ZNF230: variants seen among roughly 807,000 people sequenced by gnomAD.
ZNF230 encodes the protein zinc finger protein FDZF2.
A neutral mutation model predicts 10.0 loss-of-function variants in ZNF230; 12 were observed. The ratio of observed to expected loss-of-function variants is 1.20; its 90% confidence interval spans 0.77 to 1.95. The LOEUF is 1.95. Ranked by LOEUF, ZNF230 falls within the 30% of genes most tolerant of loss-of-function variation. ZNF230 has a pLI of 0.00. For synonymous variants in ZNF230, 174 were observed against 193.6 expected, an observed-to-expected ratio of 0.90 and a Z score of 0.84; for missense variants, 532 against 565.8, an observed-to-expected ratio of 0.94 and a Z score of 0.61.
At position 44,009,149 on chromosome 19, in the gene ZNF230, A is replaced by C; in HGVS notation, c.208A>C (p.Thr70Pro). The C allele has an allele frequency of 6.2e-7, 1 of 1,614,174 alleles. No individual in the cohort carries two copies. The highest frequency in any genetic ancestry group is 8.5e-7 in the Non-Finnish European group (1 of 1,180,028). Residue 70 changes from threonine to proline, a missense_variant, in exon 4 of 5, where the codon ACC becomes CCC. By Grantham distance (38) the Thr-to-Pro change is conservative (BLOSUM62 -1). Coordinates refer to ENST00000429154, the MANE Select transcript of ZNF230 (RefSeq NM_006300.4). ...AAAGTTTTGGATGATGGAGACAGCA[A>C]CCCAAAGAGAAGGAAATTCAGGTAA... Reference protein sequence around the residue: ...EEKFWMMETATQREGNSGGKT... With the variant: ...EEKFWMMETAPQREGNSGGKT...
In ZNF230 at chr19:44,010,835, C is replaced by T. The variant is rs1976173154; in HGVS notation, c.796C>T (p.Gln266Ter). Residue 266 changes from glutamine (Q) to a stop codon, truncating the protein, a stop_gained, in exon 5 of 5, where the codon CAG (glutamine) becomes TAG (stop). Transcript: ENST00000429154. LOFTEE classifies it low-confidence loss of function (END_TRUNC). ...TGGGAGGGCCTTCATTCACGATTTC[C>T]AGCTTCAGAAACATCAGATAATTCA... Reference protein sequence around the residue: ...KCGRAFIHDFQLQKHQIIHTG... With the variant: ...KCGRAFIHDF The T allele has an allele frequency of 6.2e-7, 1 of 1,614,028 alleles. No individual in the cohort carries two copies. The highest frequency in any genetic ancestry group is 1.3e-5 in the African/African-American group (1 of 74,914).
At chr19:44,006,712 C>T (rs1976127468) in intron 1 of ZNF230, 1 of 175,354 alleles carries the variant, frequency 5.7e-6, no homozygotes, top group Non-Finnish European at 1.2e-5. Flanking sequence ...TAAATGGAAT[C>T]ATCTAATCCA....
Position 44,009,101 on chromosome 19 carries a change from C to A in ZNF230, c.160C>A (p.Pro54Thr). 6.2e-7 allele frequency: 1 copy of A among 1,614,110 alleles called. No homozygotes were observed. Among genetic ancestry groups the A allele is most frequent in the Non-Finnish European group, 8.5e-7 (1 of 1,179,998 alleles). ...LLSVGHQPFH[P>T]FHFLREEKFW... ...GTTCACAGGGCATCAACCATTCCACCCTTTCCACTTCCTAAGGGAAGAAAA... is the reference window on the plus strand; with the variant it reads ...GTTCACAGGGCATCAACCATTCCACACTTTCCACTTCCTAAGGGAAGAAAA... Residue 54 changes from proline to threonine, a missense_variant, in exon 4 of 5, where the codon CCT becomes ACT. Pro to Thr is a conservative substitution (Grantham distance 38, BLOSUM62 -1). Coordinates refer to ENST00000429154, the MANE Select transcript of ZNF230 (RefSeq NM_006300.4).
Position 44,011,119 on chromosome 19 carries a change from A to G in ZNF230, c.1080A>G (p.Gly360=), listed in dbSNP as rs1370811494. 1 of 1,614,072 alleles carries G rather than the reference A, an allele frequency of 6.2e-7. No individual in the cohort carries two copies. Among genetic ancestry groups the G allele is most frequent in the Non-Finnish European group, 8.5e-7 (1 of 1,180,020 alleles). The part of the protein sequence containing the change: ...YLLIHQRIHS[G]EKPYRCEECG... ...TGATCCATCAGCGAATCCACAGTGG[A>G]GAAAAACCATACAGATGTGAGGAGT... is the stretch of plus-strand genomic sequence containing the variant. Residue 360 remains glycine, a synonymous_variant, in exon 5 of 5, where the codon GGA becomes GGG. Coordinates refer to ENST00000429154, the MANE Select transcript of ZNF230 (RefSeq NM_006300.4).
At chr19:44,008,721 G>C in intron 2 of ZNF230, 69 bp from the exon 3 acceptor site, 1 of 1,567,610 alleles carries the variant, frequency 6.4e-7, no homozygotes, top group Non-Finnish European at 8.7e-7. Context: ...CTCTCCGCCT[G>C]CTCAATGCTG....
At chr19:44,009,258 T>C in intron 4 of ZNF230, 88 bp downstream of exon 4, 1 of 1,416,546 alleles carries the variant, frequency 7.1e-7, no homozygotes, top group South Asian at 1.2e-5. Context: ...ATCACCCTGA[T>C]CTAAATTGCC....
At position 44,010,937 on chromosome 19, in the gene ZNF230, A is replaced by G. The variant is rs1335982412; in HGVS notation, c.898A>G (p.Met300Val). The G allele has an allele frequency of 1.9e-6, 3 of 1,614,110 alleles. No homozygotes were observed. Among genetic ancestry groups the G allele is most frequent in the East Asian group, 2.2e-5 (1 of 44,896 alleles). The change falls in exon 5 of 5, where the codon ATG becomes GTG. Residue 300 changes from methionine (M) to valine (V), a missense_variant. Coordinates refer to ENST00000429154, the MANE Select transcript of ZNF230 (RefSeq NM_006300.4). ...CLRSSLNRHC[M>V]VHTAEKLYKS... ...TAGGTCAAGTCTTAATAGGCATTGCATGGTCCACACAGCAGAGAAACTGTA... is the reference window on the plus strand; with the variant it reads ...TAGGTCAAGTCTTAATAGGCATTGCGTGGTCCACACAGCAGAGAAACTGTA...
intron 4 of ZNF230, among the ~76,000 whole-genome samples, chr19:44,009,746 T>C (rs1342595219): frequency 1.3e-5 from 2 of 152,088 alleles, no homozygotes; most frequent in Non-Finnish European, 2.9e-5. Flanking sequence ...TGATCCAGAG[T>C]TGGCACCCTA....
chr19:44,012,070 TTCCTTTGC>T lies in ZNF230; in HGVS notation c.*608_*615del. The T allele has an allele frequency of 1.3e-5, 3 of 226,574 alleles. No homozygotes were observed. The highest frequency in any genetic ancestry group is 5.8e-5 in the South Asian group (1 of 17,264). The allele number at this position is 226,574 out of a possible 1,614,324, so 14.0% of individuals were successfully genotyped here. A position where few individuals can be genotyped will look rare whatever the true frequency, so the allele number is the denominator to read the frequency against. On this transcript the variant is annotated 3_prime_UTR_variant, in exon 5 of 5. Transcript: ENST00000429154. ...GTAGATATCTGATCCACATACTGAT[TTCCTTTGC>T]TTTGGATATACTCAATAGTGGGATT...
chr19:44,012,859 G>T lies in ZNF230; in HGVS notation c.*1395G>T, dbSNP rs1976201601. ...TTATTTTGGGTAATCTTACCCTGTT[G>T]CACTTGGCTGCTGGCTTCCCCTCAT... On this transcript the variant is annotated 3_prime_UTR_variant, in exon 5 of 5. Transcript: ENST00000429154. 6.1e-6 allele frequency: 1 copy of T among 163,878 alleles called. No homozygotes were observed. Among genetic ancestry groups the T allele is most frequent in the Admixed American group, 6.4e-5 (1 of 15,680 alleles). The allele number at this position is 163,878 out of a possible 1,614,324, so 10.2% of individuals were successfully genotyped here. A position where few individuals can be genotyped will look rare whatever the true frequency, so the allele number is the denominator to read the frequency against.
At position 44,011,647 on chromosome 19, in the gene ZNF230, C is replaced by G. The variant is rs1976185693; in HGVS notation, c.*183C>G. 3.1e-6 allele frequency: 2 copies of G among 648,424 alleles called. No homozygotes were observed. The highest frequency in any genetic ancestry group is 1.8e-5 in the African/African-American group (1 of 54,744). 40.2% of individuals were successfully genotyped at this position (648,424 alleles called of 1,614,324 possible). ...ATAAATTATTGTTGATTATAGTCACCTTTGGTGCTTTAGAACACTAGAATG... is the reference window on the plus strand; with the variant it reads ...ATAAATTATTGTTGATTATAGTCACGTTTGGTGCTTTAGAACACTAGAATG... On this transcript the variant is annotated 3_prime_UTR_variant, in exon 5 of 5. Transcript: ENST00000429154.
In ZNF230 at chr19:44,010,264, T is replaced by C. The variant is rs1387744942; in HGVS notation, c.230-5T>C. 1.9e-6 allele frequency: 3 copies of C among 1,595,818 alleles called. No homozygotes were observed. In the South Asian group the frequency reaches 3.4e-5, roughly 18 times the overall value. On this transcript the variant is annotated splice_polypyrimidine_tract_variant and splice_region_variant and intron_variant, in intron 4 of 4. Transcript: ENST00000429154. ...TCCACATCTCTTCATTCTGTGTCCT[T>C]ATAGGCGGCAAGACTATTGCGGAAG...
intron 1 of ZNF230, among the ~76,000 whole-genome samples, chr19:44,005,989 C>T (rs1976119195): frequency 6.6e-6 from 1 of 152,166 alleles, no homozygotes; most frequent in Non-Finnish European, 1.5e-5. Flanking sequence ...TTAGTTGTCA[C>T]ATTCCACAGT....
In ZNF230 at chr19:44,011,710, C is replaced by T. The variant is rs982601212; in HGVS notation, c.*246C>T. On this transcript the variant is annotated 3_prime_UTR_variant, in exon 5 of 5. Transcript: ENST00000429154. The stretch of plus-strand genomic sequence containing the variant: ...CTAGCAGTACTTATGTATCTTGTTA[C>T]CCAATCTTTGGCTATCTCACCTAAC... The T allele has an allele frequency of 7.6e-6, 3 of 393,832 alleles. No individual in the cohort carries two copies. Among genetic ancestry groups the T allele is most frequent in the Non-Finnish European group, 1.4e-5 (3 of 219,590 alleles). 24.4% of individuals were successfully genotyped at this position (393,832 alleles called of 1,614,324 possible).
At position 44,012,239 on chromosome 19, in the gene ZNF230, A is replaced by T. The variant is rs1976193533; in HGVS notation, c.*775A>T. On this transcript the variant is annotated 3_prime_UTR_variant, in exon 5 of 5. Coordinates refer to ENST00000429154, the MANE Select transcript of ZNF230 (RefSeq NM_006300.4). ...GCACCAGAGTGTCCACGTTGGACAG[A>T]ATCCTTAGTAATGAGGTGTGTGATA... The T allele has an allele frequency of 2.7e-6, 1 of 368,930 alleles. No individual in the cohort carries two copies. The highest frequency in any genetic ancestry group is 2.1e-5 in the African/African-American group (1 of 46,946). 22.9% of individuals were successfully genotyped at this position (368,930 alleles called of 1,614,324 possible).
Position 44,010,740 on chromosome 19 carries a change from G to C in ZNF230, c.701G>C (p.Arg234Thr), listed in dbSNP as rs1248819726. The C allele has an allele frequency of 6.2e-7, 1 of 1,614,100 alleles. No individual in the cohort carries two copies. Among genetic ancestry groups the C allele is most frequent in the Non-Finnish European group, 8.5e-7 (1 of 1,180,038 alleles). ...TGTGAGCAATGTGGGAAAGGCTTCA[G>C]ATGTAGAGCGATACTTCAAGTTCAC... ...FKCEQCGKGF[R>T]CRAILQVHCK... The change falls in exon 5 of 5, where the codon AGA (arginine) becomes ACA (threonine). Residue 234 changes from arginine to threonine, a missense_variant. Physicochemically the swap from Arg to Thr is moderately conservative, Grantham distance 71. Transcript: ENST00000429154.
intron 4 of ZNF230, among the ~76,000 whole-genome samples, chr19:44,009,986 G>A (rs752185166): frequency 3.9e-5 from 6 of 152,108 alleles, no homozygotes; most frequent in Non-Finnish European, 8.8e-5. Flanking sequence ...AATTTATCAT[G>A]CAAGATTTTT....
chr19:44,011,439 TATC>T lies in ZNF230; in HGVS notation c.1403_1405del (p.Ser468del), dbSNP rs919736106. 5.6e-6 allele frequency: 9 copies of T among 1,593,336 alleles called. No individual in the cohort carries two copies. Among genetic ancestry groups the T allele is most frequent in the Non-Finnish European group, 7.7e-6 (9 of 1,172,738 alleles). ...AGGCGCTTGAATCTGGATATAATTTTATCATTATTTTTAAATGATATGTAAGTT... is the reference window on the plus strand; with the variant it reads ...AGGCGCTTGAATCTGGATATAATTTTATTATTTTTAAATGATATGTAAGTT... On this transcript the variant is annotated inframe_deletion, in exon 5 of 5. Coordinates refer to ENST00000429154, the MANE Select transcript of ZNF230 (RefSeq NM_006300.4).
In ZNF230 at chr19:44,010,739, A is replaced by G. The variant is rs1976171646; in HGVS notation, c.700A>G (p.Arg234Gly). Residue 234 changes from arginine to glycine, a missense_variant, in exon 5 of 5, where the codon AGA (arginine) becomes GGA (glycine). Arg to Gly is a moderately radical substitution (Grantham distance 125, BLOSUM62 -2). Transcript: ENST00000429154. Reference sequence around the variant, plus strand: ...ATGTGAGCAATGTGGGAAAGGCTTCAGATGTAGAGCGATACTTCAAGTTCA... The same window carrying G: ...ATGTGAGCAATGTGGGAAAGGCTTCGGATGTAGAGCGATACTTCAAGTTCA... ...FKCEQCGKGFRCRAILQVHCK... is the reference protein window; with the variant it reads ...FKCEQCGKGFGCRAILQVHCK... 6.2e-7 allele frequency: 1 copy of G among 1,614,246 alleles called. No homozygotes were observed. The highest frequency in any genetic ancestry group is 8.5e-7 in the Non-Finnish European group (1 of 1,180,036).
Sources: allele counts gnomAD v4.1 joint callset (sites outside exome capture counted in the v4.1 genomes callset), GRCh38; gene constraint gnomAD v4.1.1; transcripts MANE v1.5; gene names NCBI Gene and HGNC (gene_info 2026-07-23, HGNC 2026-07-21).